The following ITGAE variants were observed in gnomAD, a reference collection of about 807,000 sequenced individuals.
ITGAE encodes the protein integrin subunit alpha E, also known as integrin alpha-E.
Under a neutral mutation model 136.5 loss-of-function variants are expected in ITGAE, and 99 were observed. That is an observed-to-expected ratio of 0.73 (90% CI 0.62 to 0.86). The LOEUF (loss-of-function observed/expected upper bound fraction) is 0.86, where lower values mean the gene tolerates loss of function less well. Ranked by LOEUF, ITGAE falls within the 40% of genes least tolerant of loss-of-function variation. The probability of loss-of-function intolerance (pLI) is 0.00; values close to 1 mark genes in which losing one functional copy is unlikely to be tolerated. For synonymous variants in ITGAE, 613 were observed against 591.8 expected, an observed-to-expected ratio of 1.04 and a Z score of -0.52; for missense variants, 1,447 against 1,515.3, an observed-to-expected ratio of 0.95 and a Z score of 0.75.
At chr17:3,746,563 C>T (rs1037465325) in intron 17 of ITGAE, among the ~76,000 whole-genome samples, 1 of 151,900 alleles carries the variant, frequency 6.6e-6, no homozygotes, top group African/African-American at 2.4e-5. Context: ...TCACACCATT[C>T]TCCTGCCTCA....
chr17:3,720,438 A>T, intron 28 of ITGAE, 36 bp from the exon 29 acceptor site: 1 of 959,758 alleles, frequency 1.0e-6, no homozygotes, highest in South Asian at 1.3e-5. Flanking sequence ...GAAACAAAAC[A>T]TATTTTAGAC....
chr17:3,782,040 C>G (rs1189943026), intron 1 of ITGAE, among the ~76,000 whole-genome samples: 2 of 151,918 alleles, frequency 1.3e-5, no homozygotes, highest in African/African-American at 4.8e-5. Flanking sequence ...TTTTGGGAGG[C>G]TGAGGCGGTG....
At chr17:3,754,916 ACCCAGGTAGCCCCCAGGCCCCACCCTCG>A (rs1168186192) in intron 12 of ITGAE, among the ~76,000 whole-genome samples, 173 bp downstream of exon 12, 1 of 20,956 alleles carries the variant, frequency 4.8e-5, no homozygotes, top group Admixed American at 6.9e-4. Context: ...CCCCGCCCTC[ACCCAGGTAGCCCCCAGGCCCCACCCTCG>A]CCCAGGTAGC....
chr17:3,720,046 T>C (rs1803936133), intron 29 of ITGAE, among the ~76,000 whole-genome samples: 1 of 152,122 alleles, frequency 6.6e-6, no homozygotes, highest in Non-Finnish European at 1.5e-5. Context: ...TTTTTTTTAA[T>C]CAATCCATTT....
chr17:3,752,665 A>G (rs1288867334), intron 14 of ITGAE, among the ~76,000 whole-genome samples: 2 of 151,820 alleles, frequency 1.3e-5, no homozygotes, highest in Non-Finnish European at 2.9e-5. Flanking sequence ...CTGAGGCAGG[A>G]GAATCAACCC....
intron 23 of ITGAE, chr17:3,730,442 ACT>A (rs10602890): frequency 0.37 from 54,693 of 149,190 alleles, 12,148 homozygotes; most frequent in African/African-American, 0.62. Flanking sequence ...ACAGAGCGAG[ACT>A]CTGTCTCAAA....
In ITGAE at chr17:3,750,392, C is replaced by T. The variant is rs1264775554; in HGVS notation, c.1984G>A (p.Asp662Asn). The change falls in exon 16 of 31, where the codon GAC (aspartate) becomes AAC (asparagine). Residue 662 changes from aspartate to asparagine, a missense_variant. By Grantham distance (23) the Asp-to-Asn change is conservative. This residue lies in a region of ITGAE where 1,031 missense variants were observed against 1,011.4 expected (regional missense o/e 1.02). Transcript: ENST00000263087. ...GFDISGDGLA[D>N]ITVGTLGQAV... ...TGGCCCAGAGTGCCCACGGTGATGT[C>T]GGCAAGGCCGTCGCCACTAATATCA... The T allele has an allele frequency of 6.8e-6, 11 of 1,614,048 alleles. No individual in the cohort carries two copies. The highest frequency in any genetic ancestry group is 1.3e-5 in the African/African-American group (1 of 74,942).
intron 2 of ITGAE, among the ~76,000 whole-genome samples, chr17:3,774,487 G>C (rs978354988): frequency 3.3e-5 from 5 of 152,202 alleles, no homozygotes; most frequent in Non-Finnish European, 7.3e-5. Context: ...TTTGGGGCCA[G>C]GTGCGGTGGC....
chr17:3,767,433 A>G (rs1384616474), intron 2 of ITGAE, among the ~76,000 whole-genome samples: 1 of 152,032 alleles, frequency 6.6e-6, no homozygotes, highest in Non-Finnish European at 1.5e-5. Context: ...GGGTTTCACC[A>G]TGTTGGCCAG....
Position 3,743,585 on chromosome 17 carries a change from A to G in ITGAE, c.2352T>C (p.Ser784=). 1.2e-6 allele frequency: 2 copies of G among 1,613,230 alleles called. No homozygotes were observed. Among genetic ancestry groups the G allele is most frequent in the Non-Finnish European group, 1.7e-6 (2 of 1,179,728 alleles). The part of the protein sequence containing the change: ...LCEEDCFSNA[S]VKVSYQLQTP... ...TCTGGAGCTGGTAGCTGACTTTGACACTGGCATTGGAGAAGCAGTCCTCCT... is the reference window on the plus strand; with the variant it reads ...TCTGGAGCTGGTAGCTGACTTTGACGCTGGCATTGGAGAAGCAGTCCTCCT... Residue 784 remains serine, a synonymous_variant, in exon 19 of 31, where the codon AGT becomes AGC. Coordinates refer to ENST00000263087, the MANE Select transcript of ITGAE (RefSeq NM_002208.5).
At chr17:3,722,370 A>G (rs112585953) in intron 28 of ITGAE, 22,570 of 149,878 alleles carry the variant, frequency 0.15, 2,003 homozygotes, top group Non-Finnish European at 0.21. Context: ...AATCCCAGCT[A>G]CTCGGGAGGC....
chr17:3,756,973 G>A lies in ITGAE; in HGVS notation c.1171+11C>T, dbSNP rs754384179. 11 of 1,608,842 alleles carry A rather than the reference G, an allele frequency of 6.8e-6. No homozygotes were observed. The highest frequency in any genetic ancestry group is 1.1e-5 in the South Asian group (1 of 90,116). On this transcript the variant is annotated intron_variant, in intron 10 of 30. Coordinates refer to ENST00000263087, the MANE Select transcript of ITGAE (RefSeq NM_002208.5). ...GGCCTCCTGCGGTGGCCTGGGTCCCGGAGCCCTCACCTTCCATGCTGATGA... is the reference window on the plus strand; with the variant it reads ...GGCCTCCTGCGGTGGCCTGGGTCCCAGAGCCCTCACCTTCCATGCTGATGA...
At chr17:3,751,614 C>G in intron 15 of ITGAE, 36 bp downstream of exon 15, 1 of 1,582,660 alleles carries the variant, frequency 6.3e-7, no homozygotes, top group Non-Finnish European at 8.7e-7. Flanking sequence ...AGGTCAGAGC[C>G]CCAGAGGAGA....
chr17:3,796,020 C>A (rs1196110973), intron 1 of ITGAE, among the ~76,000 whole-genome samples: 1 of 84,944 alleles, frequency 1.2e-5, no homozygotes, highest in African/African-American at 5.1e-5. Flanking sequence ...CATCCATGTG[C>A]GCGTGTGTGC....
intron 1 of ITGAE, among the ~76,000 whole-genome samples, chr17:3,797,816 A>G (rs996446570): frequency 3.3e-5 from 5 of 152,132 alleles, no homozygotes; most frequent in Non-Finnish European, 7.4e-5. Context: ...GCCTTCCGCA[A>G]CAGCCGCAGA....
intron 1 of ITGAE, among the ~76,000 whole-genome samples, chr17:3,783,179 C>T (rs921707345): frequency 1.3e-5 from 2 of 152,160 alleles, no homozygotes; most frequent in Admixed American, 6.6e-5. Flanking sequence ...CTCACTCTGT[C>T]GCCCAAGCTG....
intron 22 of ITGAE, 48 bp from the exon 23 acceptor site, chr17:3,731,231 C>G: frequency 7.0e-7 from 1 of 1,428,166 alleles, no homozygotes; most frequent in Non-Finnish European, 9.9e-7. Flanking sequence ...CTATGCCACT[C>G]ACAATTCAGA....
intron 9 of ITGAE, 65 bp from the exon 10 acceptor site, chr17:3,757,199 TGAGCC>T: frequency 6.4e-7 from 1 of 1,566,424 alleles, no homozygotes; most frequent in East Asian, 2.3e-5. Context: ...GGGAGAGAGC[TGAGCC>T]CCTCCATCTG....
At position 3,734,821 on chromosome 17, in the gene ITGAE, T is replaced by C; in HGVS notation, c.2651A>G (p.Gln884Arg). 6.2e-7 allele frequency: 1 copy of C among 1,614,144 alleles called. No homozygotes were observed. Among genetic ancestry groups the C allele is most frequent in the Non-Finnish European group, 8.5e-7 (1 of 1,179,996 alleles). The change falls in exon 21 of 31, where the codon CAA becomes CGA. Residue 884 changes from glutamine (Q) to arginine (R), a missense_variant. This residue lies in a region of ITGAE where 1,031 missense variants were observed against 1,011.4 expected (regional missense o/e 1.02). Transcript: ENST00000263087. ...YPRNLQLKRM[Q>R]KPPSPNIQCD... ...CACAGCCACCGTCACAGTCACCTTT[T>C]GCATCCTCTTCAACTGCAGGTTTCT...
Sources: gnomAD v4.1 joint callset for allele counts (sites outside exome capture counted in the v4.1 genomes callset) on GRCh38, gnomAD v4.1.1 for gene constraint, gnomAD v4.1.1 regional missense constraint, MANE v1.5 for transcripts, NCBI Gene and HGNC (gene_info 2026-07-23, HGNC 2026-07-21) for gene names.